Variants in MED13 observed in about 807,000 individuals in gnomAD.
MED13 encodes mediator complex subunit 13.
In MED13, 23 loss-of-function variants were observed where a neutral mutation model predicts 225.2. That is an observed-to-expected ratio of 0.10 (90% CI 0.07 to 0.14). The LOEUF is 0.14. MED13 is among the 10% of genes least tolerant of loss of function. MED13 has a pLI of 1.00. For synonymous variants in MED13, 942 were observed against 889.2 expected, an observed-to-expected ratio of 1.06 and a Z score of -1.06; for missense variants, 2,197 against 2,594.5, an observed-to-expected ratio of 0.85 and a Z score of 3.33.
chr17:61,944,016 A>C lies in MED13; in HGVS notation c.*2452T>G, dbSNP rs939902821. The C allele has an allele frequency of 2.6e-5, 4 of 152,736 alleles. No individual in the cohort carries two copies. The highest frequency in any genetic ancestry group is 5.9e-5 in the Non-Finnish European group (4 of 68,002). The allele number at this position is 152,736 out of a possible 1,614,324, so 9.5% of individuals were successfully genotyped here. A position where few individuals can be genotyped will look rare whatever the true frequency, so the allele number is the denominator to read the frequency against. ...TGCACAAGGCTTAATTTCTCAAATAAGTCTACTGAGCTTTTCTAATGGTTA... is the reference window on the plus strand; with the variant it reads ...TGCACAAGGCTTAATTTCTCAAATACGTCTACTGAGCTTTTCTAATGGTTA... On this transcript the variant is annotated 3_prime_UTR_variant, in exon 30 of 30. Transcript: ENST00000397786.
chr17:62,035,696 T>C lies in MED13; in HGVS notation c.471-88A>G, dbSNP rs910315004. 4.5e-6 allele frequency: 6 copies of C among 1,343,976 alleles called. No homozygotes were observed. The African/African-American group carries it at 8.9e-5, about 20-fold the overall frequency. 83.3% of individuals were successfully genotyped at this position (1,343,976 alleles called of 1,614,324 possible). On this transcript the variant is annotated intron_variant, in intron 3 of 29. Coordinates refer to ENST00000397786, the MANE Select transcript of MED13 (RefSeq NM_005121.3). ...TTCTTTATTAGGAAGTATGCAAAAA[T>C]GCATACCCTATTTTGCCCAAAAATT...
rs557431224 is a variant in MED13, at chr17:62,029,835, A to G, written c.1172+16T>C. On this transcript the variant is annotated intron_variant, in intron 7 of 29. Coordinates refer to ENST00000397786, the MANE Select transcript of MED13 (RefSeq NM_005121.3). ...ATCAACATGCAATTTTTGAACTTAT[A>G]AATGAAAATACACACTTGTTCTGTG... The G allele has an allele frequency of 3.8e-6, 6 of 1,572,528 alleles. No homozygotes were observed. The African/African-American group carries it at 4.1e-5, about 11-fold the overall frequency.
intron 2 of MED13, among the ~76,000 whole-genome samples, chr17:62,061,371 GA>G (rs11286991): frequency 0.16 from 23,981 of 148,402 alleles, 2,993 homozygotes; most frequent in African/African-American, 0.34. Flanking sequence ...AAGAAAAAAA[GA>G]AAAAAAAAAT....
intron 23 of MED13, among the ~76,000 whole-genome samples, chr17:61,957,122 C>T (rs769390326): frequency 1.9e-4 from 29 of 152,070 alleles, no homozygotes; most frequent in Non-Finnish European, 2.6e-4. Context: ...TCTCGGCTCA[C>T]TGCAACCTCT....
At chr17:62,041,293 T>C (rs1247932472) in intron 3 of MED13, among the ~76,000 whole-genome samples, 1 of 152,210 alleles carries the variant, frequency 6.6e-6, no homozygotes, top group Non-Finnish European at 1.5e-5. Context: ...GGACAAATAC[T>C]ACATGATTCC....
At chr17:62,060,809 C>G (rs922115657) in intron 2 of MED13, among the ~76,000 whole-genome samples, 2 of 151,796 alleles carry the variant, frequency 1.3e-5, no homozygotes, top group Non-Finnish European at 1.5e-5. Flanking sequence ...AAGCAATTCT[C>G]CTGCCTCAGC....
chr17:61,968,649 T>C (rs939928326), intron 17 of MED13, among the ~76,000 whole-genome samples: 1 of 152,040 alleles, frequency 6.6e-6, no homozygotes, highest in African/African-American at 2.4e-5. Flanking sequence ...ATGTCAAAAG[T>C]TAATGAAGTC....
chr17:62,043,818 A>G (rs1338237116), intron 3 of MED13, among the ~76,000 whole-genome samples: 1 of 152,242 alleles, frequency 6.6e-6, no homozygotes, highest in African/African-American at 2.4e-5. Context: ...TTTTGGACTT[A>G]CTGAATTAAA....
At chr17:61,990,150 A>G (rs2080282940) in intron 11 of MED13, among the ~76,000 whole-genome samples, 1 of 152,232 alleles carries the variant, frequency 6.6e-6, no homozygotes, top group African/African-American at 2.4e-5. Flanking sequence ...TTTGCTGTAC[A>G]TCATAGTGAA....
chr17:61,987,895 C>A (rs1375200474), intron 11 of MED13, among the ~76,000 whole-genome samples: 1 of 151,792 alleles, frequency 6.6e-6, no homozygotes, highest in African/African-American at 2.4e-5. Context: ...GGCACGTGAC[C>A]CTATGCCCAG....
At chr17:62,036,087 GCT>G (rs893401368) in intron 3 of MED13, among the ~76,000 whole-genome samples, 2 of 146,368 alleles carry the variant, frequency 1.4e-5, no homozygotes, top group Admixed American at 6.9e-5. Context: ...ACTGTACCCA[GCT>G]CTTTTTTTTT....
At position 61,943,868 on chromosome 17, in the gene MED13, G is replaced by A. The variant is rs2079832998; in HGVS notation, c.*2600C>T. The A allele has an allele frequency of 6.6e-6, 1 of 152,538 alleles. No homozygotes were observed. The highest frequency in any genetic ancestry group is 1.5e-5 in the Non-Finnish European group (1 of 67,982). 9.4% of individuals were successfully genotyped at this position (152,538 alleles called of 1,614,324 possible). On this transcript the variant is annotated 3_prime_UTR_variant, in exon 30 of 30. Coordinates refer to ENST00000397786, the MANE Select transcript of MED13 (RefSeq NM_005121.3). ...GCACAAAAAAAAAGATGTTAGCACTGTAACAAAGAAGTCAAGGTGTTGGTA... is the reference window on the plus strand; with the variant it reads ...GCACAAAAAAAAAGATGTTAGCACTATAACAAAGAAGTCAAGGTGTTGGTA...
intron 9 of MED13, among the ~76,000 whole-genome samples, chr17:62,001,952 C>T (rs1415933252): frequency 3.3e-5 from 5 of 152,152 alleles, no homozygotes; most frequent in Non-Finnish European, 7.3e-5. Context: ...GGACTTGCAA[C>T]AGCCCTGTAA....
At chr17:62,013,327 G>T (rs2080529923) in intron 8 of MED13, among the ~76,000 whole-genome samples, 1 of 151,862 alleles carries the variant, frequency 6.6e-6, no homozygotes, top group African/African-American at 2.4e-5. Flanking sequence ...AAATATAAAA[G>T]AATAACACAT....
intron 8 of MED13, among the ~76,000 whole-genome samples, chr17:62,025,881 C>T (rs2080696578): frequency 6.6e-6 from 1 of 152,124 alleles, no homozygotes; most frequent in Non-Finnish European, 1.5e-5. Context: ...AACAAAGTTG[C>T]CAGACTTTTA....
chr17:61,986,949 A>T (rs531884741), intron 12 of MED13, 58 bp downstream of exon 12: 18 of 1,236,734 alleles, frequency 1.5e-5, no homozygotes, highest in Admixed American at 3.0e-5. Context: ...TAAAAAATAA[A>T]AAAATAATAA....
chr17:61,996,262 G>C (rs1308860606), intron 9 of MED13, among the ~76,000 whole-genome samples: 2 of 152,188 alleles, frequency 1.3e-5, no homozygotes, highest in Non-Finnish European at 2.9e-5. Context: ...TGTGAACACA[G>C]AATCATTAGC....
At chr17:61,951,093 T>C in intron 27 of MED13, 95 bp from the exon 28 acceptor site, 2 of 898,954 alleles carry the variant, frequency 2.2e-6, no homozygotes, top group East Asian at 2.8e-5. Flanking sequence ...AGTCTCATTA[T>C]CTTATGACAT....
intron 11 of MED13, among the ~76,000 whole-genome samples, chr17:61,990,593 A>G (rs972714333): frequency 8.8e-5 from 13 of 147,384 alleles, no homozygotes; most frequent in Admixed American, 3.5e-4. Flanking sequence ...GTCTCACTAT[A>G]TATATATATA....
Sources: gnomAD v4.1 joint callset for allele counts (sites outside exome capture counted in the v4.1 genomes callset) on GRCh38, gnomAD v4.1.1 for gene constraint, MANE v1.5 for transcripts, NCBI Gene and HGNC (gene_info 2026-07-23, HGNC 2026-07-21) for gene names.